The following STON2 variants were observed in gnomAD, a reference collection of about 807,000 sequenced individuals.
STON2 encodes stonin 2.
A neutral mutation model predicts 65.7 loss-of-function variants in STON2; 29 were observed. The ratio of observed to expected loss-of-function variants is 0.44; its 90% CI spans 0.33 to 0.60. The LOEUF (loss-of-function observed/expected upper bound fraction) is 0.60, where lower values mean the gene tolerates loss of function less well. STON2 is among the 20% of genes least tolerant of loss of function. The pLI is 0.03. For synonymous variants in STON2, 404 were observed against 414.2 expected, an observed-to-expected ratio of 0.98 and a Z score of 0.30; for missense variants, 1,054 against 1,118.1, an observed-to-expected ratio of 0.94 and a Z score of 0.82.
intron 4 of STON2, among the ~76,000 whole-genome samples, chr14:81,341,805 A>G (rs889281567): frequency 1.3e-5 from 2 of 152,200 alleles, no homozygotes; most frequent in African/African-American, 2.4e-5. Context: ...TGGAATCCAT[A>G]ACCCTAATCT....
intron 5 of STON2, among the ~76,000 whole-genome samples, chr14:81,302,855 T>C (rs1333957842): frequency 1.3e-5 from 2 of 152,230 alleles, no homozygotes; most frequent in South Asian, 2.1e-4. Flanking sequence ...TTACAGATGA[T>C]GTGGGCAAGT....
chr14:81,300,959 A>G (rs1384829779), intron 5 of STON2, among the ~76,000 whole-genome samples: 1 of 152,208 alleles, frequency 6.6e-6, no homozygotes, highest in Non-Finnish European at 1.5e-5. Flanking sequence ...GAATAAGCAA[A>G]GAGTATCATA....
At chr14:81,325,867 G>C (rs1896987552) in intron 4 of STON2, among the ~76,000 whole-genome samples, 1 of 152,002 alleles carries the variant, frequency 6.6e-6, no homozygotes, top group Admixed American at 6.6e-5. Context: ...AAGGGATAAA[G>C]AAGAGGGACT....
chr14:81,363,659 T>C (rs1267419671), intron 4 of STON2, among the ~76,000 whole-genome samples: 1 of 152,208 alleles, frequency 6.6e-6, no homozygotes, highest in African/African-American at 2.4e-5. Context: ...TCTTCCATTT[T>C]GAGGAAGGAA....
Position 81,263,979 on chromosome 14 carries a change from A to G in STON2, c.*4435T>C. The G allele has an allele frequency of 3.0e-6, 3 of 985,450 alleles. No homozygotes were observed. Among genetic ancestry groups the G allele is most frequent in the Non-Finnish European group, 3.6e-6 (3 of 829,932 alleles). 61.0% of individuals were successfully genotyped at this position (985,450 alleles called of 1,614,324 possible). On this transcript the variant is annotated 3_prime_UTR_variant, in exon 8 of 8. Coordinates refer to ENST00000614646, the MANE Select transcript of STON2 (RefSeq NM_001394390.1). The stretch of plus-strand genomic sequence containing the variant: ...CTTACTGTGGTGACAAAATAAATGC[A>G]AAGTAACGGTCAGCGGTTAGTGCTG...
chr14:81,310,954 T>TGA (rs1396513009), intron 5 of STON2, among the ~76,000 whole-genome samples: 1 of 152,176 alleles, frequency 6.6e-6, no homozygotes, highest in Non-Finnish European at 1.5e-5. Flanking sequence ...GAGGACTATG[T>TGA]CTCTGTCTTC....
upstream of STON2, among the ~76,000 whole-genome samples, chr14:81,402,013 C>A (rs1450107736): frequency 2.0e-5 from 3 of 152,076 alleles, no homozygotes; most frequent in Non-Finnish European, 4.4e-5. Flanking sequence ...CAGAAGCAGA[C>A]CTTAACAAGG....
At chr14:81,420,801 C>A (rs900780984) in intron 2 of STON2, among the ~76,000 whole-genome samples, 1 of 152,170 alleles carries the variant, frequency 6.6e-6, no homozygotes, top group Admixed American at 6.5e-5. Flanking sequence ...GGTACCATTG[C>A]ACTCAGCCAT....
At chr14:81,272,334 G>A (rs371893074) in intron 6 of STON2, among the ~76,000 whole-genome samples, 2 of 152,196 alleles carry the variant, frequency 1.3e-5, no homozygotes, top group East Asian at 3.9e-4. Context: ...AAGTTTGCAG[G>A]GTGACAGGGG....
chr14:81,433,134 T>C (rs969284175), intron 1 of STON2, among the ~76,000 whole-genome samples: 2 of 152,204 alleles, frequency 1.3e-5, no homozygotes, highest in African/African-American at 4.8e-5. Flanking sequence ...TCAGGTGATA[T>C]AAAATAACGA....
upstream of STON2, among the ~76,000 whole-genome samples, chr14:81,402,131 G>A (rs1042268458): frequency 2.0e-5 from 3 of 152,190 alleles, no homozygotes; most frequent in African/African-American, 7.2e-5. Flanking sequence ...GAGTTCAAGG[G>A]GAAATGAGAA....
At chr14:81,431,856 A>G (rs1398308079) in intron 1 of STON2, among the ~76,000 whole-genome samples, 1 of 151,976 alleles carries the variant, frequency 6.6e-6, no homozygotes, top group African/African-American at 2.4e-5. Context: ...GAGGCAGGAG[A>G]ATCCCTTGAA....
chr14:81,367,499 C>T (rs924142533), intron 4 of STON2, among the ~76,000 whole-genome samples: 6 of 152,060 alleles, frequency 3.9e-5, no homozygotes, highest in Non-Finnish European at 8.8e-5. Context: ...TTTTAAATTC[C>T]CTGCTACTGG....
At chr14:81,291,695 TTTTAG>T (rs1386430889) in intron 5 of STON2, among the ~76,000 whole-genome samples, 2 of 152,002 alleles carry the variant, frequency 1.3e-5, no homozygotes, top group African/African-American at 4.8e-5. Flanking sequence ...AATTTATTAG[TTTTAG>T]TTTAATTTAT....
At chr14:81,402,726 A>G (rs1595447853), upstream of STON2, among the ~76,000 whole-genome samples, 1 of 152,142 alleles carries the variant, frequency 6.6e-6, no homozygotes. Flanking sequence ...CCCACTGCCA[A>G]TGCCTTGGCT....
At chr14:81,400,064 C>T (rs368206271) in intron 1 of STON2, among the ~76,000 whole-genome samples, 1 of 152,158 alleles carries the variant, frequency 6.6e-6, no homozygotes, top group East Asian at 1.9e-4. Context: ...TATCACCCAA[C>T]TTAAGTACTT....
rs2140075755 is a variant in STON2, at chr14:81,262,305, A to G, written c.*6109T>C. ...GCCTATGAGTGACTTTAAATAAACA[A>G]TCCTCAATGTCCTCGTGTCTAGCCT... On this transcript the variant is annotated 3_prime_UTR_variant, in exon 8 of 8. Transcript: ENST00000614646. The G allele has an allele frequency of 4.1e-6, 4 of 985,488 alleles. No homozygotes were observed. Among genetic ancestry groups the G allele is most frequent in the East Asian group, 1.1e-4 (1 of 8,818 alleles). The allele number at this position is 985,488 out of a possible 1,614,324, so 61.0% of individuals were successfully genotyped here. A position where few individuals can be genotyped will look rare whatever the true frequency, so the allele number is the denominator to read the frequency against.
chr14:81,350,366 A>G (rs987543204), intron 4 of STON2, among the ~76,000 whole-genome samples: 2 of 152,158 alleles, frequency 1.3e-5, no homozygotes, highest in African/African-American at 4.8e-5. Context: ...AAGAGAAAGA[A>G]AAAATGTTTT....
intron 5 of STON2, among the ~76,000 whole-genome samples, chr14:81,318,183 C>G (rs1229447283): frequency 6.6e-6 from 1 of 152,002 alleles, no homozygotes; most frequent in Non-Finnish European, 1.5e-5. Context: ...AGGCTAATCT[C>G]GAACTCCTGA....
Sources: allele counts gnomAD v4.1 joint callset (sites outside exome capture counted in the v4.1 genomes callset), GRCh38; gene constraint gnomAD v4.1.1; transcripts MANE v1.5; gene names NCBI Gene and HGNC (gene_info 2026-07-23, HGNC 2026-07-21).